Variants in SYNE2 observed in about 807,000 individuals in gnomAD.
The protein encoded by SYNE2 is spectrin repeat containing nuclear envelope protein 2, also known as nesprin-2.
Under a neutral mutation model 856.3 loss-of-function variants are expected in SYNE2, and 431 were observed. That is an observed-to-expected ratio of 0.50 (90% CI 0.47 to 0.55). SYNE2 has a LOEUF of 0.55. Among genes scored for constraint, SYNE2 ranks in the 20% least tolerant of loss-of-function variants. The pLI is 0.00. For missense variants in SYNE2, 8,129 were observed against 8,023.2 expected (o/e 1.01, Z -0.50); for synonymous variants, 2,923 against 2,872.3 (o/e 1.02, Z -0.56).
chr14:64,019,690 C>T (rs777756394), intron 34 of SYNE2, among the ~76,000 whole-genome samples: 12 of 152,042 alleles, frequency 7.9e-5, no homozygotes, highest in South Asian at 2.1e-4. Flanking sequence ...TGCGCACACA[C>T]GGGGTATGCA....
intron 1 of SYNE2, among the ~76,000 whole-genome samples, chr14:63,876,822 A>G (rs1244823795): frequency 6.6e-6 from 1 of 152,078 alleles, no homozygotes; most frequent in African/African-American, 2.4e-5. Context: ...TGCTAATCGT[A>G]TCAAATAAAC....
chr14:64,119,335 C>A, intron 66 of SYNE2, 92 bp from the exon 67 acceptor site: 1 of 1,516,802 alleles, frequency 6.6e-7, no homozygotes, highest in South Asian at 1.1e-5. Context: ...CTTGTATACA[C>A]TTAAGTAAAA....
chr14:63,952,025 C>G (rs1033403322), intron 7 of SYNE2, among the ~76,000 whole-genome samples: 1 of 152,082 alleles, frequency 6.6e-6, no homozygotes, highest in African/African-American at 2.4e-5. Flanking sequence ...ATTTCAATAT[C>G]CTGTGTTTTA....
intron 6 of SYNE2, among the ~76,000 whole-genome samples, chr14:63,943,562 A>G (rs1482899361): frequency 3.9e-5 from 6 of 152,124 alleles, no homozygotes; most frequent in African/African-American, 7.2e-5. Context: ...ATGAAAACTA[A>G]ATTTAAGTTG....
At chr14:64,043,498 T>TA (rs35237735) in intron 45 of SYNE2, among the ~76,000 whole-genome samples, 53 of 150,174 alleles carry the variant, frequency 3.5e-4, no homozygotes, top group East Asian at 2.6e-3. Flanking sequence ...GAGGCCTATG[T>TA]AAAAAAAAAA....
chr14:64,000,453 A>T (rs185728119), intron 27 of SYNE2, 109 bp from the exon 28 acceptor site: 116 of 1,015,364 alleles, frequency 1.1e-4, no homozygotes, highest in Admixed American at 2.6e-4. Context: ...TTTACATATG[A>T]AACATTGTGT....
intron 7 of SYNE2, among the ~76,000 whole-genome samples, chr14:63,950,901 C>T (rs994017370): frequency 6.6e-6 from 1 of 152,080 alleles, no homozygotes; most frequent in Non-Finnish European, 1.5e-5. Flanking sequence ...AAGCAATTCA[C>T]CTGCCTCCGT....
intron 22 of SYNE2, among the ~76,000 whole-genome samples, chr14:63,994,574 G>A (rs1255911): frequency 0.52 from 79,133 of 152,026 alleles, 21,643 homozygotes; most frequent in African/African-American, 0.7. Context: ...TCGTTGATAC[G>A]ATTACTGGGT....
chr14:63,957,264 ATTTTTTTTTTT>A (rs4027476), intron 8 of SYNE2, among the ~76,000 whole-genome samples: 2 of 110,814 alleles, frequency 1.8e-5, no homozygotes, highest in Non-Finnish European at 3.6e-5. Flanking sequence ...TGCCCAGCTA[ATTTTTTTTTTT>A]TTTTTTTTTT....
chr14:64,188,476 GTTTT>G, intron 97 of SYNE2, 70 bp from the exon 98 acceptor site: 1 of 1,570,992 alleles, frequency 6.4e-7, no homozygotes. Context: ...ATGAAACTCA[GTTTT>G]TTTGAGGGAG....
intron 71 of SYNE2, among the ~76,000 whole-genome samples, 195 bp downstream of exon 71, chr14:64,125,405 G>A (rs892544261): frequency 2.0e-5 from 3 of 152,202 alleles, no homozygotes; most frequent in Non-Finnish European, 2.9e-5. Flanking sequence ...TAGGGACTGT[G>A]TGCAAAGGAT....
chr14:64,223,420 A>G (rs1357918446), intron 113 of SYNE2, 40 bp downstream of exon 113: 1 of 1,607,354 alleles, frequency 6.2e-7, no homozygotes, highest in Admixed American at 1.7e-5. Context: ...AGATTGCCGT[A>G]TTACATGCAG....
intron 1 of SYNE2, among the ~76,000 whole-genome samples, chr14:63,770,219 T>C (rs1886851063): frequency 6.6e-6 from 1 of 152,114 alleles, no homozygotes; most frequent in African/African-American, 2.4e-5. Flanking sequence ...AATAATGAAA[T>C]ACCGGGGGAA....
At chr14:64,007,313 G>T (rs2096804219) in intron 31 of SYNE2, 91 bp downstream of exon 31, 4 of 1,210,812 alleles carry the variant, frequency 3.3e-6, no homozygotes, top group Non-Finnish European at 4.9e-6. Flanking sequence ...ACACATCTCC[G>T]TGGACCCAAA....
At chr14:63,861,344 C>G (rs1282555502) in intron 1 of SYNE2, among the ~76,000 whole-genome samples, 2 of 151,842 alleles carry the variant, frequency 1.3e-5, no homozygotes, top group African/African-American at 4.8e-5. Flanking sequence ...GGGGTTTCAC[C>G]ATGTTGGTCA....
At chr14:64,133,499 G>A (rs1477836506) in intron 77 of SYNE2, among the ~76,000 whole-genome samples, 5 of 152,120 alleles carry the variant, frequency 3.3e-5, no homozygotes, top group Non-Finnish European at 7.4e-5. Context: ...GGGCATCCAT[G>A]GAAACGGGGC....
Position 63,885,997 on chromosome 14 carries a change from C to G in SYNE2, c.-51-23101C>G, listed in dbSNP as rs373766277. On this transcript the variant is annotated intron_variant, in intron 1 of 115. Transcript: ENST00000555002. The stretch of plus-strand genomic sequence containing the variant: ...TGCTGATTTTCTTAATTGGACCCGG[C>G]CTTCCTCCCTCCCTCTTTTGCCAGT... Among the ~76,000 whole-genome samples, 67 of 152,278 alleles carry G rather than the reference C, an allele frequency of 4.4e-4. 1 individual carries two copies. Among genetic ancestry groups the G allele is most frequent in the African/African-American group, 1.5e-3 (62 of 41,554 alleles).
chr14:64,223,127 C>T (rs2098702566), intron 112 of SYNE2, 62 bp from the exon 113 acceptor site: 2 of 1,590,118 alleles, frequency 1.3e-6, no homozygotes, highest in Admixed American at 1.7e-5. Flanking sequence ...GAAAAACCTC[C>T]TGTGTCCACA....
chr14:64,092,716 C>T (rs1425022269), intron 60 of SYNE2, among the ~76,000 whole-genome samples: 1 of 152,156 alleles, frequency 6.6e-6, no homozygotes, highest in Non-Finnish European at 1.5e-5. Context: ...ATTTAGTCCA[C>T]AGATAGGTCT....
Sources: allele counts gnomAD v4.1 joint callset (sites outside exome capture counted in the v4.1 genomes callset), GRCh38; gene constraint gnomAD v4.1.1; transcripts MANE v1.5; gene names NCBI Gene and HGNC (gene_info 2026-07-23, HGNC 2026-07-21).